Variants in DLEU7 observed in about 807,000 individuals in gnomAD.
DLEU7 encodes leukemia-associated protein 7.
Under a neutral mutation model 16.0 loss-of-function variants are expected in DLEU7, and 17 were observed. The ratio of observed to expected loss-of-function variants is 1.06; its 90% CI spans 0.73 to 1.59. The LOEUF (loss-of-function observed/expected upper bound fraction) is 1.59, where lower values mean the gene tolerates loss of function less well. Ranked by LOEUF, DLEU7 falls within the 40% of genes most tolerant of loss-of-function variation. The pLI, the probability that DLEU7 is intolerant of heterozygous loss-of-function variation, is 0.00. For missense variants in DLEU7, 308 were observed against 314.9 expected, an observed-to-expected ratio of 0.98 and a Z score of 0.17; for synonymous variants, 113 against 139.8, an observed-to-expected ratio of 0.81 and a Z score of 1.35.
chr13:50,728,840 A>G (rs1320681883), intron 1 of DLEU7, among the ~76,000 whole-genome samples: 1 of 152,080 alleles, frequency 6.6e-6, no homozygotes, highest in East Asian at 1.9e-4. Flanking sequence ...TTATGTCATC[A>G]TGTCACCTGT....
intron 1 of DLEU7, among the ~76,000 whole-genome samples, chr13:50,757,055 C>T (rs1003035375): frequency 1.3e-5 from 2 of 152,204 alleles, no homozygotes; most frequent in African/African-American, 4.8e-5. Flanking sequence ...GCAGTTTGGG[C>T]ACTCACAGTA....
intron 1 of DLEU7, among the ~76,000 whole-genome samples, chr13:50,780,700 T>C (rs1361798751): frequency 6.6e-6 from 1 of 152,148 alleles, no homozygotes; most frequent in Non-Finnish European, 1.5e-5. Flanking sequence ...CATTGGTCCT[T>C]TCCCAAAAGG....
At chr13:50,733,993 T>G (rs901764944) in intron 1 of DLEU7, among the ~76,000 whole-genome samples, 7 of 152,202 alleles carry the variant, frequency 4.6e-5, no homozygotes, top group African/African-American at 1.7e-4. Flanking sequence ...CTCTCTGGCT[T>G]CATTGATGTG....
At position 50,738,983 on chromosome 13, in the gene DLEU7, ACACACACACACACACACACACG is replaced by A. The variant is rs1408362399; in HGVS notation, c.460-25765_460-25744del. On this transcript the variant is annotated intron_variant, in intron 1 of 1. Coordinates refer to the DLEU7 transcript ENST00000400393. Reference sequence around the variant, plus strand: ...ATAATACACACACACACACACACACACACACACACACACACACACACGCACACACACACAAACACTGGCCACA... The same window carrying A: ...ATAATACACACACACACACACACACACACACACACACAAACACTGGCCACA... Among the ~76,000 whole-genome samples the A allele has an allele frequency of 3.7e-4, 48 of 130,384 alleles. 1 individual carries two copies. In the Middle Eastern group the frequency reaches 0.011, roughly 30 times the overall value. The allele number at this position is 130,384 out of a possible 152,430, so 85.5% of individuals were successfully genotyped here.
intron 1 of DLEU7, among the ~76,000 whole-genome samples, chr13:50,808,930 C>G (rs556351130): frequency 6.6e-6 from 1 of 151,272 alleles, no homozygotes; most frequent in African/African-American, 2.4e-5. Context: ...TAAAAAGCCA[C>G]AGAGAGAAAC....
chr13:50,824,550 C>G (rs1215566534), intron 1 of DLEU7, among the ~76,000 whole-genome samples: 2 of 152,054 alleles, frequency 1.3e-5, no homozygotes, highest in Non-Finnish European at 2.9e-5. Flanking sequence ...AGCTGCCTAC[C>G]AATACTATGA....
At chr13:50,727,132 C>T (rs901818038) in intron 1 of DLEU7, among the ~76,000 whole-genome samples, 2 of 152,026 alleles carry the variant, frequency 1.3e-5, no homozygotes, top group African/African-American at 2.4e-5. Context: ...TATAATTCTA[C>T]GAGGTCTATG....
At chr13:50,744,435 C>A (rs898681426) in intron 1 of DLEU7, among the ~76,000 whole-genome samples, 5 of 152,300 alleles carry the variant, frequency 3.3e-5, no homozygotes, top group African/African-American at 1.2e-4. Flanking sequence ...TAACTCCTGA[C>A]TGGCTTTTGA....
intron 1 of DLEU7, among the ~76,000 whole-genome samples, chr13:50,778,383 C>T (rs930064977): frequency 2.6e-5 from 4 of 152,176 alleles, no homozygotes; most frequent in Admixed American, 2.6e-4. Flanking sequence ...GGTAGGGACA[C>T]AGCCAAACCA....
chr13:50,745,198 G>A (rs1376000429), intron 1 of DLEU7, among the ~76,000 whole-genome samples: 1 of 152,160 alleles, frequency 6.6e-6, no homozygotes, highest in Non-Finnish European at 1.5e-5. Context: ...TAAACAAAAT[G>A]TGGCATATAC....
chr13:50,801,136 T>C (rs1876235392), intron 1 of DLEU7, among the ~76,000 whole-genome samples: 1 of 152,128 alleles, frequency 6.6e-6, no homozygotes, highest in Non-Finnish European at 1.5e-5. Context: ...AGCTGTCCTC[T>C]CCTTGCTTTT....
intron 1 of DLEU7, among the ~76,000 whole-genome samples, chr13:50,781,045 T>G (rs922114565): frequency 7.2e-5 from 11 of 152,228 alleles, no homozygotes; most frequent in African/African-American, 2.7e-4. Context: ...ATTTTCTGCC[T>G]GCATTTTCTT....
intron 1 of DLEU7, among the ~76,000 whole-genome samples, chr13:50,773,978 C>T (rs60474168): frequency 0.013 from 2,026 of 152,282 alleles, 40 homozygotes; most frequent in African/African-American, 0.047. Flanking sequence ...CAATGGCGGA[C>T]GCCCCTCCCC....
chr13:50,818,085 A>C (rs1876788412), downstream of DLEU7, among the ~76,000 whole-genome samples: 1 of 152,182 alleles, frequency 6.6e-6, no homozygotes, highest in Non-Finnish European at 1.5e-5. Flanking sequence ...ACAGTTAAGG[A>C]AATTCAATGG....
At chr13:50,793,953 TA>T (rs1371916247) in intron 1 of DLEU7, among the ~76,000 whole-genome samples, 2 of 152,220 alleles carry the variant, frequency 1.3e-5, no homozygotes, top group African/African-American at 4.8e-5. Flanking sequence ...GCATATTTCC[TA>T]GGTTTCTTCT....
chr13:50,801,234 G>A lies in DLEU7; in HGVS notation c.459+41954C>T, dbSNP rs550837050. 1.7e-4 allele frequency among the ~76,000 whole-genome samples: 26 copies of A among 152,058 alleles called. No homozygotes were observed. The South Asian group carries it at 3.1e-3, about 18-fold the overall frequency. On this transcript the variant is annotated intron_variant, in intron 1 of 1. Coordinates refer to the DLEU7 transcript ENST00000400393. ...TGGAGAGGAATTTGGGAGGGGAGTC[G>A]GTTTGAAAGGCAAAGTGAGCTCTCG...
intron 1 of DLEU7, among the ~76,000 whole-genome samples, chr13:50,728,342 A>G (rs990232544): frequency 1.1e-4 from 17 of 152,304 alleles, no homozygotes; most frequent in African/African-American, 3.8e-4. Context: ...TAGTGGTCCT[A>G]TGTGATGTTA....
chr13:50,748,228 C>CTTTTTTTTTT (rs71085044), intron 1 of DLEU7, among the ~76,000 whole-genome samples: 98 of 89,248 alleles, frequency 1.1e-3, no homozygotes, highest in South Asian at 2.3e-3. Context: ...ACTCCTTAAA[C>CTTTTTTTTTT]TTTTTTTTTT....
At chr13:50,782,383 T>C (rs1875678786) in intron 1 of DLEU7, among the ~76,000 whole-genome samples, 1 of 152,206 alleles carries the variant, frequency 6.6e-6, no homozygotes, top group Admixed American at 6.5e-5. Context: ...TATAGCTCTT[T>C]TCTCAGCATC....
Sources: allele counts gnomAD v4.1 joint callset (sites outside exome capture counted in the v4.1 genomes callset), GRCh38; gene constraint gnomAD v4.1.1; transcripts MANE v1.5; gene names NCBI Gene and HGNC (gene_info 2026-07-23, HGNC 2026-07-21).